Variants in TFRC observed in about 807,000 individuals in gnomAD.
The protein encoded by TFRC is transferrin receptor protein 1.
TFRC carries 35 observed loss-of-function variants against 85.8 expected under a neutral mutation model. That is an observed-to-expected ratio of 0.41 (90% confidence interval 0.31 to 0.54). TFRC has a LOEUF of 0.54. TFRC is among the 20% of genes least tolerant of loss of function. The probability of loss-of-function intolerance (pLI) is 0.31; values close to 1 mark genes in which losing one functional copy is unlikely to be tolerated. For missense variants in TFRC, 828 were observed against 921.5 expected, an observed-to-expected ratio of 0.90 and a Z score of 1.31; for synonymous variants, 362 against 328.6, an observed-to-expected ratio of 1.10 and a Z score of -1.10.
rs759130668 is a variant in TFRC at position 196,065,610 on chromosome 3, G to A, written c.1041-10C>T. On this transcript the variant is annotated splice_polypyrimidine_tract_variant and intron_variant, in intron 9 of 18. Coordinates refer to ENST00000360110, the MANE Select transcript of TFRC (RefSeq NM_001128148.3). ...GTCTCCTTCCATATTCCTAGAATCA[G>A]AAAGCAGGCGTAAGTTCTGAGTTAT... 75 of 1,593,574 alleles carry A rather than the reference G, an allele frequency of 4.7e-5. No individual in the cohort carries two copies. The highest frequency in any genetic ancestry group is 6.0e-5 in the Non-Finnish European group (71 of 1,174,646).
rs112787993 is a variant in TFRC, at chr3:196,075,145, A to G, written c.238+14T>C. 12 of 1,612,778 alleles carry G rather than the reference A, an allele frequency of 7.4e-6. No homozygotes were observed. In the African/African-American group the frequency reaches 1.1e-4, roughly 14 times the overall value. The stretch of plus-strand genomic sequence containing the variant: ...GTTATAGAAAACATTGAAGTTTGGA[A>G]TGGTCATTCTCACCAATCAAGAAAA... On this transcript the variant is annotated intron_variant, in intron 3 of 18. Transcript: ENST00000360110.
In TFRC at chr3:196,060,275, C is replaced by T. The variant is rs754918760; in HGVS notation, c.1469-28G>A. 4.4e-6 allele frequency: 7 copies of T among 1,595,792 alleles called. No homozygotes were observed. The Admixed American group carries it at 1.0e-4, about 23-fold the overall frequency. On this transcript the variant is annotated intron_variant, in intron 13 of 18. Transcript: ENST00000360110. ...GAAAATAAATTGTTTTATCATTGCC[C>T]CTTCTCCATTCCGATAATTTTCACA...
chr3:196,071,097 CA>C (rs1375501622), intron 6 of TFRC, among the ~76,000 whole-genome samples: 1 of 152,180 alleles, frequency 6.6e-6, no homozygotes, highest in Non-Finnish European at 1.5e-5. Context: ...AGCTCTGCAA[CA>C]TGGCAGTAAA....
At chr3:196,066,391 GT>G (rs1431263758) in intron 9 of TFRC, among the ~76,000 whole-genome samples, 1 of 152,088 alleles carries the variant, frequency 6.6e-6, no homozygotes, top group Non-Finnish European at 1.5e-5. Flanking sequence ...GGAGGTGGAG[GT>G]TGCAGTGAGC....
rs752349775 is a variant in TFRC at position 196,074,060 on chromosome 3, C to A, written c.304G>T (p.Ala102Ser). The A allele has an allele frequency of 5.6e-6, 9 of 1,614,118 alleles. No individual in the cohort carries two copies. In the South Asian group the frequency reaches 7.7e-5, roughly 14 times the overall value. The part of the protein sequence containing the change: ...VEPKTECERL[A>S]GTESPVREEP... ...TCCCTCACTGGAGACTCGGTTCCTG[C>A]CAGTCTCTCACACTCAGTTTTTGGT... Residue 102 changes from alanine (A) to serine (S), a missense_variant, in exon 4 of 19, where the codon GCA (alanine) becomes TCA (serine). Ala to Ser is a moderately conservative substitution (Grantham distance 99, BLOSUM62 1). Transcript: ENST00000360110.
At chr3:196,069,383 A>G (rs1298326931) in intron 7 of TFRC, 72 bp downstream of exon 7, 1 of 856,100 alleles carries the variant, frequency 1.2e-6, no homozygotes, top group Non-Finnish European at 1.9e-6. Context: ...GAATATTAAC[A>G]AGAAATATCA....
At chr3:196,080,832 CAGG>C (rs1719109003) in intron 1 of TFRC, among the ~76,000 whole-genome samples, 1 of 134,122 alleles carries the variant, frequency 7.5e-6, no homozygotes, top group Non-Finnish European at 1.5e-5. Context: ...ACCCAAAATT[CAGG>C]GCCGGGGGGC....
intron 9 of TFRC, among the ~76,000 whole-genome samples, chr3:196,066,095 A>T (rs1406006962): frequency 6.6e-6 from 1 of 150,980 alleles, no homozygotes; most frequent in Non-Finnish European, 1.5e-5. Flanking sequence ...CCAATTGGAA[A>T]CCATTAATTA....
At chr3:196,070,544 C>T (rs41301385) in intron 6 of TFRC, among the ~76,000 whole-genome samples, 7,448 of 152,186 alleles carry the variant, frequency 0.049, 221 homozygotes, top group Middle Eastern at 0.095. Context: ...TGAGCCACCA[C>T]GCCCAGCCAC....
At position 196,062,660 on chromosome 3, in the gene TFRC, A is replaced by G. The variant is rs565955322; in HGVS notation, c.1405-15T>C. On this transcript the variant is annotated splice_polypyrimidine_tract_variant and intron_variant, in intron 12 of 18. Transcript: ENST00000360110. ...GAAAGGTATCCCTAGAAGAGAAGGG[A>G]AAACACTAATAAGTATAAATCTGTT... 5.4e-5 allele frequency: 87 copies of G among 1,597,634 alleles called. 1 individual carries two copies. The South Asian group carries it at 9.6e-4, about 18-fold the overall frequency.
intron 10 of TFRC, among the ~76,000 whole-genome samples, chr3:196,064,879 C>T (rs1354829590): frequency 2.0e-5 from 3 of 152,182 alleles, no homozygotes; most frequent in African/African-American, 7.2e-5. Flanking sequence ...TATCACTGGT[C>T]TAGTCAATAA....
At chr3:196,056,782 T>C (rs1056003683) in intron 16 of TFRC, among the ~76,000 whole-genome samples, 18 of 152,212 alleles carry the variant, frequency 1.2e-4, no homozygotes, top group African/African-American at 4.3e-4. Context: ...AACAAGTCTA[T>C]GTTAAAACTA....
chr3:196,060,121 T>C lies in TFRC; in HGVS notation c.1536+59A>G. On this transcript the variant is annotated intron_variant, in intron 14 of 18. Transcript: ENST00000360110. ...ACGGTTTACATATCAGTGTTTTTTA[T>C]CTCAGGTTGATTCAACAAAAATTAA... 2.9e-6 allele frequency: 4 copies of C among 1,387,390 alleles called. No homozygotes were observed. In the South Asian group the frequency reaches 5.0e-5, roughly 17 times the overall value. The allele number at this position is 1,387,390 out of a possible 1,614,324, so 85.9% of individuals were successfully genotyped here. A position where few individuals can be genotyped will look rare whatever the true frequency, so the allele number is the denominator to read the frequency against.
intron 17 of TFRC, 106 bp downstream of exon 17, chr3:196,054,974 T>C: frequency 8.9e-7 from 1 of 1,124,436 alleles, no homozygotes; most frequent in Non-Finnish European, 1.3e-6. Context: ...CTTTAAAATG[T>C]ACTATGGCTA....
Position 196,058,376 on chromosome 3 carries a change from A to G in TFRC, c.1596-11T>C, listed in dbSNP as rs548927299. ...AAAGTGAGTTTCTCACTGCAAAGAC[A>G]AAGAATGTGTCTTTAGAAAGTGTTT... On this transcript the variant is annotated splice_polypyrimidine_tract_variant and intron_variant, in intron 15 of 18. Coordinates refer to ENST00000360110, the MANE Select transcript of TFRC (RefSeq NM_001128148.3). 1,121 of 1,611,584 alleles carry G rather than the reference A, an allele frequency of 7.0e-4. 17 individuals are homozygous for G. The South Asian group carries it at 0.012, about 17-fold the overall frequency.
chr3:196,059,737 A>G (rs1002572092), intron 14 of TFRC, among the ~76,000 whole-genome samples: 11 of 150,046 alleles, frequency 7.3e-5, no homozygotes, highest in East Asian at 4.0e-4. Flanking sequence ...AGCGTTAGGT[A>G]TATCTCCCAA....
At chr3:196,058,036 GCAA>G (rs1413068235) in intron 16 of TFRC, 1 of 299,090 alleles carries the variant, frequency 3.3e-6, no homozygotes, top group Non-Finnish European at 6.2e-6. Context: ...AATCTGCCTA[GCAA>G]CTGCCTGTCA....
intron 4 of TFRC, among the ~76,000 whole-genome samples, chr3:196,072,468 T>C (rs1718293413): frequency 6.6e-6 from 1 of 152,214 alleles, no homozygotes; most frequent in South Asian, 2.1e-4. Flanking sequence ...TCTAAGATAG[T>C]AATACTGTGC....
rs1405260372 is a variant in TFRC at position 196,055,151 on chromosome 3, C to T, written c.1828G>A (p.Asp610Asn). 6.8e-6 allele frequency: 11 copies of T among 1,614,084 alleles called. No homozygotes were observed. In the Admixed American group the frequency reaches 1.8e-4, roughly 27 times the overall value. ...AGTTGGCTGTTGTACCTCTCATAGT[C>T]CAGGTTCAATTCAACATCATGGGTT... ...KLTHDVELNL[D>N]YERYNSQLLS... Residue 610 changes from aspartate (D) to asparagine (N), a missense_variant, in exon 17 of 19, where the codon GAC (aspartate) becomes AAC (asparagine). Physicochemically the swap from Asp to Asn is conservative, Grantham distance 23 (BLOSUM62 1). Coordinates refer to ENST00000360110, the MANE Select transcript of TFRC (RefSeq NM_001128148.3).
Sources: allele counts gnomAD v4.1 joint callset (sites outside exome capture counted in the v4.1 genomes callset), GRCh38; gene constraint gnomAD v4.1.1; transcripts MANE v1.5; gene names NCBI Gene and HGNC (gene_info 2026-07-23, HGNC 2026-07-21).